The following REXO1 variants were observed in gnomAD, a reference collection of about 807,000 sequenced individuals.
REXO1 encodes RNA exonuclease 1 homolog.
REXO1 carries 42 observed loss-of-function variants against 102.6 expected under a neutral mutation model. The ratio of observed to expected loss-of-function variants is 0.41; its 90% CI spans 0.32 to 0.53. REXO1 has a LOEUF of 0.53. Ranked by LOEUF, REXO1 falls within the 20% of genes least tolerant of loss-of-function variation. The pLI, the probability that REXO1 is intolerant of heterozygous loss-of-function variation, is 0.27. For missense variants in REXO1, 1,819 were observed against 1,732.5 expected (o/e 1.05, Z -0.89); for synonymous variants, 908 against 779.1 (o/e 1.17, Z -2.76).
At chr19:1,821,746 C>T in intron 4 of REXO1, 64 bp from the exon 5 acceptor site, 2 of 1,490,830 alleles carry the variant, frequency 1.3e-6, no homozygotes, top group Admixed American at 2.2e-5. Context: ...TGGCGGAGCA[C>T]CAGGCAGCCG....
intron 1 of REXO1, among the ~76,000 whole-genome samples, chr19:1,837,064 G>A (rs2070060963): frequency 1.3e-5 from 2 of 152,246 alleles, no homozygotes; most frequent in African/African-American, 2.4e-5. Context: ...GGAGACAGAA[G>A]AGGACATTCC....
chr19:1,819,947 C>T lies in REXO1; in HGVS notation c.2637G>A (p.Val879=), dbSNP rs781329151. The T allele has an allele frequency of 2.8e-5, 44 of 1,583,180 alleles. No individual in the cohort carries two copies. In the South Asian group the frequency reaches 4.9e-4, roughly 18 times the overall value. The change falls in exon 7 of 16, where the codon GTG becomes GTA. Residue 879 remains valine, a synonymous_variant. Coordinates refer to ENST00000170168, the MANE Select transcript of REXO1 (RefSeq NM_020695.4). ...GCCAGGACTCACTGCTGAGGCCGGG[C>T]ACAGCGCTGGGGGCCAGGCCCCTGA... ...KKLRGLAPSA[V]PGLSKTSGRR...
rs1301694336 is a variant in REXO1, at chr19:1,815,854, G to A, written c.*212C>T. 11 of 1,523,770 alleles carry A rather than the reference G, an allele frequency of 7.2e-6. No individual in the cohort carries two copies. Among genetic ancestry groups the A allele is most frequent in the South Asian group, 1.2e-5 (1 of 82,848 alleles). 94.4% of individuals were successfully genotyped at this position (1,523,770 alleles called of 1,614,324 possible). A position where few individuals can be genotyped will look rare whatever the true frequency, so the allele number is the denominator to read the frequency against. On this transcript the variant is annotated 3_prime_UTR_variant, in exon 16 of 16. Transcript: ENST00000170168. The surrounding 1 kb of genome is among the most constrained non-coding windows in gnomAD (Gnocchi z 4.0). Reference sequence around the variant, plus strand: ...TTTCTAGAGACGCCAGAGGGCTGGGGGGCAGAGGGTGGGGACCGGCGGAGG... The same window carrying A: ...TTTCTAGAGACGCCAGAGGGCTGGGAGGCAGAGGGTGGGGACCGGCGGAGG...
chr19:1,848,260 G>A lies in REXO1; in HGVS notation c.99C>T (p.His33=), dbSNP rs1325400411. ...PCRRPYCHFR[H]RGARGSGAPG... is the part of the protein sequence containing the mutation. Reference sequence around the variant, plus strand: ...GCGCGCCGGAGCCCCGGGCCCCGCGGTGCCGGAAGTGGCAGTAGGGCCGCC... The same window carrying A: ...GCGCGCCGGAGCCCCGGGCCCCGCGATGCCGGAAGTGGCAGTAGGGCCGCC... Residue 33 remains histidine (H), a synonymous_variant, in exon 1 of 16, where the codon CAC becomes CAT. Coordinates refer to ENST00000170168, the MANE Select transcript of REXO1 (RefSeq NM_020695.4). 2 of 1,231,422 alleles carry A rather than the reference G, an allele frequency of 1.6e-6. No homozygotes were observed. The highest frequency in any genetic ancestry group is 3.2e-5 in the East Asian group (1 of 30,956). 76.3% of individuals were successfully genotyped at this position (1,231,422 alleles called of 1,614,324 possible). A position where few individuals can be genotyped will look rare whatever the true frequency, so the allele number is the denominator to read the frequency against.
At position 1,827,977 on chromosome 19, in the gene REXO1, G is replaced by T. The variant is rs1404036314; in HGVS notation, c.812C>A (p.Ala271Asp). The T allele has an allele frequency of 1.2e-6, 2 of 1,613,576 alleles. No individual in the cohort carries two copies. The highest frequency in any genetic ancestry group is 4.5e-5 in the East Asian group (2 of 44,870). Residue 271 changes from alanine (A) to aspartate (D), a missense_variant, in exon 2 of 16, where the codon GCT becomes GAT. Physicochemically the swap from Ala to Asp is moderately radical, Grantham distance 126. Transcript: ENST00000170168. The part of the protein sequence containing the change: ...GSRGSEPYTP[A>D]PKKLCDPFGS... ...AAAGGGGTCACAGAGCTTCTTGGGA[G>T]CAGGTGTGTAGGGCTCACTGCCGCG...
intron 5 of REXO1, among the ~76,000 whole-genome samples, chr19:1,820,941 G>A (rs1318166055): frequency 6.6e-6 from 1 of 151,792 alleles, no homozygotes; most frequent in Non-Finnish European, 1.5e-5. Flanking sequence ...CGAGGTTGCA[G>A]TGAGCCATGA....
chr19:1,815,740 C>T lies in REXO1; in HGVS notation c.*326G>A. The stretch of plus-strand genomic sequence containing the variant: ...ACGTGAGGAGCAGAGGTGCCGGCCA[C>T]CACCCGGGAGGGAGGGCCTGGCAGG... On this transcript the variant is annotated 3_prime_UTR_variant, in exon 16 of 16. Transcript: ENST00000170168. The surrounding 1 kb of genome is among the most constrained non-coding windows in gnomAD (Gnocchi z 4.0). 7.1e-7 allele frequency: 1 copy of T among 1,407,752 alleles called. No homozygotes were observed. Among genetic ancestry groups the T allele is most frequent in the Non-Finnish European group, 9.3e-7 (1 of 1,078,340 alleles). 87.2% of individuals were successfully genotyped at this position (1,407,752 alleles called of 1,614,324 possible).
chr19:1,832,914 CAAAA>C (rs71174388), intron 1 of REXO1, among the ~76,000 whole-genome samples: 1 of 75,890 alleles, frequency 1.3e-5, no homozygotes, highest in Admixed American at 1.4e-4. Flanking sequence ...GACTCTGTCT[CAAAA>C]AAAAAAAAAA....
In REXO1 at chr19:1,815,879, G is replaced by A. The variant is rs1489249959; in HGVS notation, c.*187C>T. 112 of 1,526,814 alleles carry A rather than the reference G, an allele frequency of 7.3e-5. No individual in the cohort carries two copies. Among genetic ancestry groups the A allele is most frequent in the Non-Finnish European group, 9.6e-5 (110 of 1,140,914 alleles). 94.6% of individuals were successfully genotyped at this position (1,526,814 alleles called of 1,614,324 possible). A position where few individuals can be genotyped will look rare whatever the true frequency, so the allele number is the denominator to read the frequency against. On this transcript the variant is annotated 3_prime_UTR_variant, in exon 16 of 16. Coordinates refer to ENST00000170168, the MANE Select transcript of REXO1 (RefSeq NM_020695.4). This position sits in a 1 kb window ranked among gnomAD's most constrained non-coding sequence, Gnocchi z 4.0. ...GGGCAGAGGGTGGGGACCGGCGGAG[G>A]GGTGCGGCAGGACGTGAGCGGGGGT...
In REXO1 at chr19:1,815,808, C is replaced by T. The variant is rs896799177; in HGVS notation, c.*258G>A. The T allele has an allele frequency of 2.6e-5, 39 of 1,493,916 alleles. No individual in the cohort carries two copies. The highest frequency in any genetic ancestry group is 3.5e-5 in the Non-Finnish European group (39 of 1,123,084). The allele number at this position is 1,493,916 out of a possible 1,614,324, so 92.5% of individuals were successfully genotyped here. A position where few individuals can be genotyped will look rare whatever the true frequency, so the allele number is the denominator to read the frequency against. ...CGGGCCGGGTGGGGGCGGGCTCTGT[C>T]CTGGTCTCCATCAGCAGCAGTTTCT... On this transcript the variant is annotated 3_prime_UTR_variant, in exon 16 of 16. Transcript: ENST00000170168. The surrounding 1 kb of genome is among the most constrained non-coding windows in gnomAD (Gnocchi z 4.0).
chr19:1,825,055 C>G (rs1599137319), intron 3 of REXO1, among the ~76,000 whole-genome samples: 1 of 145,302 alleles, frequency 6.9e-6, no homozygotes, highest in Admixed American at 6.8e-5. Context: ...GTGCCTCATG[C>G]TTGTAATCCC....
In REXO1 at chr19:1,816,067, C is replaced by T; in HGVS notation, c.3665G>A (p.Ter1222=). Reference sequence around the variant, plus strand: ...AGGCGGGTGGGAGGCGGGCAGGCGTCATCGCTTGGTCTTGGCGTCTTCTCG... The same window carrying T: ...AGGCGGGTGGGAGGCGGGCAGGCGTTATCGCTTGGTCTTGGCGTCTTCTCG... ...KVREDAKTKR[*] is the part of the protein sequence containing the mutation. Residue 1222 remains the stop codon, a stop_retained_variant, in exon 16 of 16, where the codon TGA becomes TAA. Transcript: ENST00000170168. The T allele has an allele frequency of 6.5e-7, 1 of 1,542,892 alleles. No homozygotes were observed. Among genetic ancestry groups the T allele is most frequent in the Non-Finnish European group, 8.7e-7 (1 of 1,146,958 alleles).
chr19:1,829,438 C>T (rs1193336644), intron 1 of REXO1, among the ~76,000 whole-genome samples: 2 of 151,836 alleles, frequency 1.3e-5, no homozygotes, highest in Non-Finnish European at 2.9e-5. Context: ...GGGGTTTCAC[C>T]ATGTTGGCCA....
In REXO1 at chr19:1,815,676, T is replaced by C. The variant is rs2069337986; in HGVS notation, c.*390A>G. On this transcript the variant is annotated 3_prime_UTR_variant, in exon 16 of 16. Transcript: ENST00000170168. This position sits in a 1 kb window ranked among gnomAD's most constrained non-coding sequence, Gnocchi z 4.0. ...ATAACAATACAAAATAAAAAAAGACTGTCTCAAACAAACCTGGGACAAGCC... is the reference window on the plus strand; with the variant it reads ...ATAACAATACAAAATAAAAAAAGACCGTCTCAAACAAACCTGGGACAAGCC... The C allele has an allele frequency of 6.2e-6, 8 of 1,282,236 alleles. No homozygotes were observed. In the South Asian group the frequency reaches 6.7e-5, roughly 11 times the overall value. The allele number at this position is 1,282,236 out of a possible 1,614,324, so 79.4% of individuals were successfully genotyped here. A position where few individuals can be genotyped will look rare whatever the true frequency, so the allele number is the denominator to read the frequency against.
intron 1 of REXO1, among the ~76,000 whole-genome samples, chr19:1,831,845 C>CAAAAAAAAAAAAAAAAAAAAAAGA (rs2069911631): frequency 5.8e-5 from 3 of 51,318 alleles, no homozygotes; most frequent in Non-Finnish European, 1.2e-4. Flanking sequence ...AACTCCATCT[C>CAAAAAAAAAAAAAAAAAAAAAAGA]AAAAAAAAAA....
chr19:1,821,026 A>G lies in REXO1; in HGVS notation c.2394+493T>C, dbSNP rs368441243. Among the ~76,000 whole-genome samples the G allele has an allele frequency of 2.4e-3, 356 of 148,706 alleles. 1 individual carries two copies. Among genetic ancestry groups the G allele is most frequent in the African/African-American group, 8.0e-3 (324 of 40,394 alleles). ...AAAAAAAAAAACACCAACCAACCAA[A>G]AAAACAAAACAAGACAAAACAAAAA... On this transcript the variant is annotated intron_variant, in intron 5 of 15. Coordinates refer to ENST00000170168, the MANE Select transcript of REXO1 (RefSeq NM_020695.4).
chr19:1,832,850 A>G (rs1304455074), intron 1 of REXO1, among the ~76,000 whole-genome samples: 1 of 146,106 alleles, frequency 6.8e-6, no homozygotes, highest in Non-Finnish European at 1.5e-5. Flanking sequence ...CAGGAGGCAG[A>G]GGTTGCAGTG....
At chr19:1,837,077 A>G (rs2070061290) in intron 1 of REXO1, among the ~76,000 whole-genome samples, 1 of 152,194 alleles carries the variant, frequency 6.6e-6, no homozygotes, top group Non-Finnish European at 1.5e-5. Flanking sequence ...GACATTCCCA[A>G]AACAGCCACA....
intron 1 of REXO1, among the ~76,000 whole-genome samples, chr19:1,830,049 T>C (rs2069861791): frequency 6.6e-6 from 1 of 152,108 alleles, no homozygotes; most frequent in Non-Finnish European, 1.5e-5. Context: ...ACAACCTCAA[T>C]GCCACCAACG....
Sources: gnomAD v4.1 joint callset for allele counts (sites outside exome capture counted in the v4.1 genomes callset) on GRCh38, gnomAD v4.1.1 for gene constraint, Gnocchi (gnomAD v3.1) non-coding constraint, MANE v1.5 for transcripts, NCBI Gene and HGNC (gene_info 2026-07-23, HGNC 2026-07-21) for gene names.